The following NLRP8 variants were observed in gnomAD, a reference collection of about 807,000 sequenced individuals.
NLRP8 encodes NLR family pyrin domain containing 8.
A neutral mutation model predicts 88.7 loss-of-function variants in NLRP8; 86 were observed. The ratio of observed to expected loss-of-function variants is 0.97; its 90% confidence interval spans 0.81 to 1.16. NLRP8 has a LOEUF of 1.16. Among genes scored for constraint, NLRP8 ranks in the 50% most tolerant of loss-of-function variants. The pLI is 0.00. For synonymous variants in NLRP8, 504 were observed against 494.6 expected (o/e 1.02, Z -0.25); for missense variants, 1,342 against 1,286.5 (o/e 1.04, Z -0.66).
intron 5 of NLRP8, among the ~76,000 whole-genome samples, chr19:55,968,121 T>G (rs78813282): frequency 0.13 from 19,352 of 152,280 alleles, 1,499 homozygotes; most frequent in East Asian, 0.21. Context: ...AATATTCGTT[T>G]AATAATTTTT....
chr19:55,972,460 A>C (rs1234455264), intron 6 of NLRP8, among the ~76,000 whole-genome samples: 1 of 151,276 alleles, frequency 6.6e-6, no homozygotes, highest in African/African-American at 2.4e-5. Context: ...AGTTTTGGGG[A>C]AACAGGTGGT....
At chr19:55,985,786 C>T (rs549711155) in intron 9 of NLRP8, among the ~76,000 whole-genome samples, 6 of 152,246 alleles carry the variant, frequency 3.9e-5, no homozygotes, top group South Asian at 2.1e-4. Flanking sequence ...GAGGCCGAGG[C>T]GGGTGGATCA....
rs1189568665 is a variant in NLRP8 at position 55,948,181 on chromosome 19, TG to T, written c.281del (p.Gly94AspfsTer7). 1 of 1,614,214 alleles carries T rather than the reference TG, an allele frequency of 6.2e-7. No individual in the cohort carries two copies. Among genetic ancestry groups the T allele is most frequent in the East Asian group, 2.2e-5 (1 of 44,876 alleles). On this transcript the variant is annotated frameshift_variant, in exon 1 of 10. Coordinates refer to ENST00000291971, the MANE Select transcript of NLRP8 (RefSeq NM_176811.2). LOFTEE classifies it high-confidence loss of function. ...TTCATCTCTTGATAGAGCGTTTCCC[TG>T]GACGACGCGCTTGGGATGTGACTTC...
At chr19:55,948,350 C>T in intron 1 of NLRP8, 81 bp downstream of exon 1, 2 of 1,420,272 alleles carry the variant, frequency 1.4e-6, no homozygotes, top group African/African-American at 1.4e-5. Flanking sequence ...ACCCCTATCA[C>T]TTATTGGCCT....
chr19:55,962,706 G>T (rs1217532204), intron 4 of NLRP8, among the ~76,000 whole-genome samples: 1 of 152,180 alleles, frequency 6.6e-6, no homozygotes. Flanking sequence ...CCCGAGCCCA[G>T]GAGGCAGAGG....
chr19:55,979,277 A>G, intron 8 of NLRP8, 117 bp from the exon 9 acceptor site: 1 of 1,136,290 alleles, frequency 8.8e-7, no homozygotes, highest in Non-Finnish European at 1.3e-6. Context: ...CATAGTTGGA[A>G]CAACATTACA....
chr19:55,986,902 C>T (rs759858228), intron 9 of NLRP8, among the ~76,000 whole-genome samples: 2 of 152,184 alleles, frequency 1.3e-5, no homozygotes, highest in South Asian at 4.1e-4. Flanking sequence ...ATTGAGCTTA[C>T]TAGGTGCCCC....
chr19:55,954,133 A>G (rs1443331494), intron 2 of NLRP8, among the ~76,000 whole-genome samples: 1 of 152,072 alleles, frequency 6.6e-6, no homozygotes. Context: ...GAATGGAGAT[A>G]ACACGGCTAA....
At chr19:55,961,336 A>G (rs1290295667) in intron 3 of NLRP8, among the ~76,000 whole-genome samples, 1 of 152,178 alleles carries the variant, frequency 6.6e-6, no homozygotes, top group Non-Finnish European at 1.5e-5. Flanking sequence ...CTACATGCCA[A>G]TCTAGCTCTG....
chr19:55,987,121 C>T (rs750348674), intron 9 of NLRP8, among the ~76,000 whole-genome samples: 7 of 152,214 alleles, frequency 4.6e-5, no homozygotes, highest in African/African-American at 1.4e-4. Flanking sequence ...ATAATCCCAG[C>T]ACTTTGGGAG....
At chr19:55,968,983 A>G (rs903896956) in intron 5 of NLRP8, among the ~76,000 whole-genome samples, 7 of 152,080 alleles carry the variant, frequency 4.6e-5, no homozygotes, top group African/African-American at 1.7e-4. Flanking sequence ...GCTGAAAATC[A>G]GCCATGGCAG....
intron 6 of NLRP8, among the ~76,000 whole-genome samples, chr19:55,972,270 G>A (rs562380958): frequency 4.0e-5 from 6 of 151,662 alleles, no homozygotes; most frequent in Non-Finnish European, 8.8e-5. Flanking sequence ...GCCTGCCACC[G>A]CACTCAGCTG....
rs777000805 is a variant in NLRP8 at position 55,988,438 on chromosome 19, G to GTATATATATATATATATATA, written c.*526_*527insATATATATATATATATATAT. 2.3e-4 allele frequency: 21 copies of GTATATATATATATATATATA among 91,826 alleles called. No homozygotes were observed. The highest frequency in any genetic ancestry group is 3.3e-4 in the South Asian group (1 of 3,020). The allele number at this position is 91,826 out of a possible 1,614,324, so 5.7% of individuals were successfully genotyped here. ...CATATACACATAAATATATATATGT[G>GTATATATATATATATATATA]TGTGTGTATATATATATATATATAT... On this transcript the variant is annotated 3_prime_UTR_variant, in exon 10 of 10. Transcript: ENST00000291971.
In NLRP8 at chr19:55,966,662, A is replaced by G. The variant is rs541987782; in HGVS notation, c.2381+282A>G. On this transcript the variant is annotated intron_variant, in intron 5 of 9. Transcript: ENST00000291971. ...ACAAAAAATTAGCCAGCGTGGTGGC[A>G]GGCTAATCTCAGCTACTGTAATTAC... 1.1e-4 allele frequency among the ~76,000 whole-genome samples: 16 copies of G among 152,178 alleles called. No individual in the cohort carries two copies. In the East Asian group the frequency reaches 2.9e-3, roughly 28 times the overall value.
Position 55,955,697 on chromosome 19 carries a change from G to C in NLRP8, c.1639G>C (p.Gly547Arg). The C allele has an allele frequency of 6.2e-7, 1 of 1,614,072 alleles. No individual in the cohort carries two copies. Among genetic ancestry groups the C allele is most frequent in the Non-Finnish European group, 8.5e-7 (1 of 1,179,942 alleles). The change falls in exon 3 of 10, where the codon GGA becomes CGA. Residue 547 changes from glycine (G) to arginine (R), a missense_variant. Physicochemically the swap from Gly to Arg is moderately radical, Grantham distance 125. Transcript: ENST00000291971. ...CCAGCGCCTGATAGCGAGTCCCAGA[G>C]GAAGCAAAAGCTATCTCTCTCACAT... is the stretch of plus-strand genomic sequence containing the variant.
chr19:55,966,321 A>G lies in NLRP8; in HGVS notation c.2322A>G (p.Lys774=), dbSNP rs306497. The G allele has an allele frequency of 0.79, 1,271,569 of 1,613,282 alleles. 503,180 individuals carry two copies. Among genetic ancestry groups the G allele is most frequent in the African/African-American group, 0.96 (71,657 of 75,028 alleles). ...TACAACATGTGGAAGTGGAGTCCAA[A>G]GCTGTGAAGCTTCTATGCAGGGTGC... The change falls in exon 5 of 10, where the codon AAA becomes AAG. Residue 774 remains lysine, a synonymous_variant. Coordinates refer to ENST00000291971, the MANE Select transcript of NLRP8 (RefSeq NM_176811.2).
At chr19:55,977,533 T>A (rs1458823784) in intron 8 of NLRP8, among the ~76,000 whole-genome samples, 3 of 145,046 alleles carry the variant, frequency 2.1e-5, no homozygotes, top group Non-Finnish European at 4.5e-5. Flanking sequence ...TATATAATAT[T>A]AAAATATATA....
intron 9 of NLRP8, among the ~76,000 whole-genome samples, chr19:55,985,159 C>T (rs552125207): frequency 1.1e-3 from 168 of 152,162 alleles, no homozygotes; most frequent in Non-Finnish European, 1.9e-3. Flanking sequence ...AAAAATTAGC[C>T]AGGCGTGGTG....
intron 1 of NLRP8, among the ~76,000 whole-genome samples, chr19:55,952,031 C>T (rs1294833197): frequency 1.3e-5 from 2 of 152,204 alleles, no homozygotes; most frequent in Admixed American, 6.5e-5. Context: ...GGATTACAGG[C>T]GTGAGCCACA....
Sources: gnomAD v4.1 joint callset for allele counts (sites outside exome capture counted in the v4.1 genomes callset) on GRCh38, gnomAD v4.1.1 for gene constraint, MANE v1.5 for transcripts, NCBI Gene and HGNC (gene_info 2026-07-23, HGNC 2026-07-21) for gene names.